Variants in PRKX observed in about 807,000 individuals in gnomAD.
PRKX encodes the protein protein kinase cAMP-dependent X-linked catalytic subunit, also known as cAMP-dependent protein kinase catalytic subunit PRKX.
In PRKX, 12 loss-of-function variants were observed where a neutral mutation model predicts 22.0. The observed-to-expected ratio is 0.54, with a 90% CI of 0.35 to 0.88. The LOEUF (loss-of-function observed/expected upper bound fraction) is 0.88, where lower values mean the gene tolerates loss of function less well. Ranked by LOEUF, PRKX falls within the 40% of genes least tolerant of loss-of-function variation. The pLI, the probability that PRKX is intolerant of heterozygous loss-of-function variation, is 0.01. For missense variants in PRKX, 217 were observed against 308.0 expected (o/e 0.70, Z 2.21); for synonymous variants, 134 against 137.7 (o/e 0.97, Z 0.19).
intron 2 of PRKX, among the ~76,000 whole-genome samples, chrX:3,663,157 C>T (rs910756434): frequency 6.4e-5 from 7 of 108,957 alleles, no homozygotes; most frequent in African/African-American, 2.0e-4. Context: ...ACATCAGAAA[C>T]GTTTGGGCTG....
rs760399134 is a variant in PRKX at position 3,713,219 on chromosome X, G to A, written c.35C>T (p.Ala12Val). ...CGCCACCTTGCGGGAGTCGCTCTCC[G>A]CCGCGGCCGCCTGGGCCAGCCCGGG... Reference protein sequence around the residue: ...EAPGLAQAAAAESDSRKVAEE... With the variant: ...EAPGLAQAAAVESDSRKVAEE... Residue 12 changes from alanine to valine, a missense_variant, in exon 1 of 9, where the codon GCG becomes GTG. By Grantham distance (64) the Ala-to-Val change is moderately conservative. Transcript: ENST00000262848. 9.2e-5 allele frequency: 98 copies of A among 1,068,943 alleles called. No individual in the cohort carries two copies. In the South Asian group the frequency reaches 2.2e-3, roughly 24 times the overall value. 88.1% of individuals were successfully genotyped at this position (1,068,943 alleles called of 1,213,427 possible).
At chrX:3,644,740 G>A (rs751268799) in intron 3 of PRKX, among the ~76,000 whole-genome samples, 2 of 111,805 alleles carry the variant, frequency 1.8e-5, no homozygotes, top group Non-Finnish European at 3.8e-5. Context: ...CAAGACGAGC[G>A]ACTTACTGGC....
chrX:3,689,503 C>G (rs866457109), intron 1 of PRKX, among the ~76,000 whole-genome samples: 1 of 111,554 alleles, frequency 9.0e-6, no homozygotes, highest in Non-Finnish European at 1.9e-5. Flanking sequence ...CATAACGAGA[C>G]CCCGTCTCTA....
intron 1 of PRKX, among the ~76,000 whole-genome samples, chrX:3,708,137 C>T (rs1419068739): frequency 9.0e-6 from 1 of 111,217 alleles, no homozygotes; most frequent in Non-Finnish European, 1.9e-5. Context: ...GTTGGAGCCT[C>T]ATGAATGGGA....
chrX:3,683,628 G>C (rs184820401), intron 1 of PRKX, among the ~76,000 whole-genome samples: 2 of 111,296 alleles, frequency 1.8e-5, no homozygotes, highest in Admixed American at 1.9e-4. Flanking sequence ...CTTGAGGCCG[G>C]GAGTTCAAGA....
intron 1 of PRKX, among the ~76,000 whole-genome samples, chrX:3,689,350 T>C (rs1328778933): frequency 8.9e-6 from 1 of 112,363 alleles, no homozygotes; most frequent in African/African-American, 3.2e-5. Flanking sequence ...CCTTCTATTT[T>C]ATAGACAGGA....
At chrX:3,691,087 T>C (rs971022146) in intron 1 of PRKX, among the ~76,000 whole-genome samples, 1 of 111,776 alleles carries the variant, frequency 8.9e-6, no homozygotes, top group Admixed American at 9.6e-5. Context: ...ACCAGCTCAG[T>C]CGGACTAGGG....
chrX:3,660,923 AGAG>A (rs754283276), intron 2 of PRKX, among the ~76,000 whole-genome samples: 1 of 109,648 alleles, frequency 9.1e-6, no homozygotes, highest in South Asian at 4.0e-4. Flanking sequence ...AGAGGTGGGG[AGAG>A]GAGGAGAGAA....
At chrX:3,673,091 G>A (rs1054255208) in intron 2 of PRKX, among the ~76,000 whole-genome samples, 1 of 111,723 alleles carries the variant, frequency 9.0e-6, no homozygotes, top group Non-Finnish European at 1.9e-5. Context: ...GCAGCATTGG[G>A]TCTAGAGGAG....
At chrX:3,668,215 C>G (rs1927774955) in intron 2 of PRKX, 1 of 111,404 alleles carries the variant, frequency 9.0e-6, no homozygotes, top group Admixed American at 9.6e-5. Flanking sequence ...TTTGAAGCGT[C>G]TGCTTTGCCC....
chrX:3,678,646 A>G (rs1168624039), intron 1 of PRKX, among the ~76,000 whole-genome samples: 1 of 112,117 alleles, frequency 8.9e-6, no homozygotes, highest in Non-Finnish European at 1.9e-5. Context: ...CTGCAGAAGT[A>G]TGTCGGTAAA....
Position 3,654,156 on chromosome X carries a change from G to C in PRKX, c.599+993C>G, listed in dbSNP as rs775471093. Among the ~76,000 whole-genome samples the C allele has an allele frequency of 6.1e-3, 543 of 89,237 alleles. 5 individuals carry two copies. Among genetic ancestry groups the C allele is most frequent in the African/African-American group, 0.022 (524 of 23,581 alleles). The allele number at this position is 89,237 out of a possible 115,157, so 77.5% of individuals were successfully genotyped here. On this transcript the variant is annotated intron_variant, in intron 3 of 8. Coordinates refer to ENST00000262848, the MANE Select transcript of PRKX (RefSeq NM_005044.5). The stretch of plus-strand genomic sequence containing the variant: ...TATAGTGATATGTATGATATAGTAT[G>C]ATATAGGTATGCTATATAATATATA...
chrX:3,675,279 C>T (rs1295357080), intron 1 of PRKX, among the ~76,000 whole-genome samples: 2 of 111,410 alleles, frequency 1.8e-5, no homozygotes, highest in African/African-American at 3.3e-5. Flanking sequence ...GTACGGAGTC[C>T]GTATTCTACA....
At chrX:3,644,234 CAAA>C (rs35016428) in intron 3 of PRKX, among the ~76,000 whole-genome samples, 13,659 of 44,624 alleles carry the variant, frequency 0.31, 965 homozygotes, top group Admixed American at 0.42. Flanking sequence ...CACTCCTTTA[CAAA>C]AAAAAAAAAA....
chrX:3,704,951 G>A lies in PRKX; in HGVS notation c.166+8137C>T, dbSNP rs947168356. On this transcript the variant is annotated intron_variant, in intron 1 of 8. Coordinates refer to ENST00000262848, the MANE Select transcript of PRKX (RefSeq NM_005044.5). ...TGTGGTTTTAAGCTACTATATTTGC[G>A]GTCCTTCATTCCAGCAGCCACGCAA... Among the ~76,000 whole-genome samples the A allele has an allele frequency of 5.4e-5, 6 of 111,469 alleles. No homozygotes were observed. In the South Asian group the frequency reaches 1.1e-3, roughly 21 times the overall value.
intron 1 of PRKX, among the ~76,000 whole-genome samples, chrX:3,708,563 T>A (rs1400034560): frequency 1.7e-4 from 17 of 102,207 alleles, no homozygotes; most frequent in Admixed American, 5.3e-4. Flanking sequence ...TGTGAAAGTT[T>A]AAAAAAAAAA....
chrX:3,653,567 T>C (rs1423537951), intron 3 of PRKX, among the ~76,000 whole-genome samples: 4 of 100,493 alleles, frequency 4.0e-5, no homozygotes, highest in Middle Eastern at 5.2e-3. Context: ...ATACATGTCA[T>C]ATAGTATGAT....
At chrX:3,667,453 G>C (rs868166608) in intron 2 of PRKX, 1 of 108,274 alleles carries the variant, frequency 9.2e-6, no homozygotes, top group African/African-American at 3.4e-5. Context: ...TCTACTTTCC[G>C]ACCTGGCTGC....
chrX:3,655,470 C>T, intron 2 of PRKX, 58 bp from the exon 3 acceptor site: 2 of 1,185,337 alleles, frequency 1.7e-6, no homozygotes, highest in Non-Finnish European at 2.3e-6. Flanking sequence ...GGGGGTACGC[C>T]GTCAGCTAGG....
Sources: allele counts gnomAD v4.1 joint callset (sites outside exome capture counted in the v4.1 genomes callset), GRCh38; gene constraint gnomAD v4.1.1; transcripts MANE v1.5; gene names NCBI Gene and HGNC (gene_info 2026-07-23, HGNC 2026-07-21).